Variants in FAM200C observed in about 807,000 individuals in gnomAD.
chr5:160,395,644 G>A, the FAM200C span: 2 of 670,906 alleles, frequency 3.0e-6, no homozygotes, highest in Admixed American at 5.5e-5. Context: ...ACAGCCTGCA[G>A]CATGTCAATT....
At chr5:160,398,633 T>G in the FAM200C span, among the ~76,000 whole-genome samples, 1 of 151,932 alleles carries the variant, frequency 6.6e-6, no homozygotes, top group Non-Finnish European at 1.5e-5. Flanking sequence ...AATTTAAAAT[T>G]TATCTGTTTT....
chr5:160,394,814 A>G, the FAM200C span: 1 of 1,613,458 alleles, frequency 6.2e-7, no homozygotes, highest in South Asian at 1.1e-5. Flanking sequence ...CTTCAGAAAG[A>G]AGTCTCTGAA....
chr5:160,397,234 T>C, the FAM200C span, among the ~76,000 whole-genome samples: 2 of 152,188 alleles, frequency 1.3e-5, no homozygotes, highest in Non-Finnish European at 1.5e-5. Flanking sequence ...TAAAAACGTA[T>C]CCTTCAAACC....
At chr5:160,394,711 T>C in the FAM200C span, 2 of 1,614,184 alleles carry the variant, frequency 1.2e-6, no homozygotes, top group Non-Finnish European at 1.7e-6. Flanking sequence ...GTATCTCTTT[T>C]TTCACGTAGG....
the FAM200C span, chr5:160,395,524 A>G: frequency 6.4e-7 from 1 of 1,565,732 alleles, no homozygotes; most frequent in Non-Finnish European, 8.8e-7. Context: ...TATTCCAGAG[A>G]TGCCACAGAA....
the FAM200C span, chr5:160,394,963 A>G: frequency 6.2e-7 from 1 of 1,613,684 alleles, no homozygotes; most frequent in Non-Finnish European, 8.5e-7. Flanking sequence ...TTGTCTCAGC[A>G]AGCTGAATAC....
the FAM200C span, among the ~76,000 whole-genome samples, chr5:160,395,807 T>C: frequency 2.6e-5 from 4 of 152,234 alleles, no homozygotes; most frequent in African/African-American, 4.8e-5. Context: ...TGAATTATAG[T>C]TATGGCTTAA....
At chr5:160,393,619 A>T in the FAM200C span, 1 of 958,820 alleles carries the variant, frequency 1.0e-6, no homozygotes, top group Non-Finnish European at 1.6e-6. Flanking sequence ...AGAATTCAGT[A>T]TATCATAAAT....
At chr5:160,394,420 C>A in the FAM200C span, 2 of 1,613,440 alleles carry the variant, frequency 1.2e-6, no homozygotes, top group Non-Finnish European at 1.7e-6. Flanking sequence ...AATTACTGCT[C>A]TTGTGGTGAA....
At chr5:160,398,479 T>C in the FAM200C span, among the ~76,000 whole-genome samples, 1 of 152,204 alleles carries the variant, frequency 6.6e-6, no homozygotes, top group Non-Finnish European at 1.5e-5. Context: ...GAGGTTGCAG[T>C]GAGCCGAGAT....
chr5:160,394,274 G>C, the FAM200C span: 1 of 1,613,768 alleles, frequency 6.2e-7, no homozygotes, highest in East Asian at 2.2e-5. Flanking sequence ...AACAAAAGCA[G>C]ATAACTTCTC....
At chr5:160,397,030 A>G in the FAM200C span, among the ~76,000 whole-genome samples, 3 of 152,260 alleles carry the variant, frequency 2.0e-5, no homozygotes, top group African/African-American at 7.2e-5. Flanking sequence ...TATAAATAGT[A>G]ACTAGAACAG....
the FAM200C span, chr5:160,394,790 A>G: frequency 6.2e-7 from 1 of 1,614,044 alleles, no homozygotes; most frequent in Non-Finnish European, 8.5e-7. Flanking sequence ...ACATACATCA[A>G]GTGCTATCTT....
chr5:160,399,338 T>C, the FAM200C span, among the ~76,000 whole-genome samples: 1 of 152,232 alleles, frequency 6.6e-6, no homozygotes, highest in Non-Finnish European at 1.5e-5. Flanking sequence ...TGCTAATATA[T>C]ATATATTCCA....
chr5:160,394,566 G>A, the FAM200C span: 19 of 1,614,146 alleles, frequency 1.2e-5, no homozygotes, highest in Admixed American at 1.2e-4. Context: ...TGAAATAGGC[G>A]ATGATTTGGA....
the FAM200C span, chr5:160,393,244 A>C: frequency 6.4e-6 from 1 of 155,262 alleles, no homozygotes; most frequent in Non-Finnish European, 1.4e-5. Flanking sequence ...ATTTAAAAGT[A>C]AGTCTTACAT....
chr5:160,397,398 T>C, the FAM200C span: 1 of 152,216 alleles, frequency 6.6e-6, no homozygotes, highest in Non-Finnish European at 1.5e-5. Flanking sequence ...TCTCTCCCTT[T>C]AGCAACGAGT....
At chr5:160,396,071 G>A in the FAM200C span, among the ~76,000 whole-genome samples, 2 of 152,154 alleles carry the variant, frequency 1.3e-5, no homozygotes, top group Non-Finnish European at 2.9e-5. Flanking sequence ...GTGGCAAAGT[G>A]AGGGTTTTTA....
the FAM200C span, among the ~76,000 whole-genome samples, chr5:160,395,962 T>A: frequency 6.6e-6 from 1 of 152,284 alleles, no homozygotes; most frequent in Non-Finnish European, 1.5e-5. Context: ...AAGGAGCAAT[T>A]CACTAAATAA....
Sources: allele counts gnomAD v4.1 joint callset (sites outside exome capture counted in the v4.1 genomes callset), GRCh38; gene constraint gnomAD v4.1.1; transcripts MANE v1.5.